Variants in NLGN4X observed in about 807,000 individuals in gnomAD.
The protein encoded by NLGN4X is neuroligin 4 X-linked.
A neutral mutation model predicts 40.3 loss-of-function variants in NLGN4X; 3 were observed. The observed-to-expected ratio is 0.07, with a 90% CI of 0.03 to 0.19. NLGN4X has a LOEUF of 0.19. NLGN4X is among the 10% of genes least tolerant of loss of function. The pLI, the probability that NLGN4X is intolerant of heterozygous loss-of-function variation, is 1.00. For missense variants in NLGN4X, 382 were observed against 708.3 expected (o/e 0.54, Z 5.23); for synonymous variants, 270 against 306.8 (o/e 0.88, Z 1.25).
chrX:5,945,502 C>T (rs1456657082), intron 3 of NLGN4X, among the ~76,000 whole-genome samples: 1 of 111,878 alleles, frequency 8.9e-6, no homozygotes, highest in Non-Finnish European at 1.9e-5. Flanking sequence ...TGGAAGCGAA[C>T]TTGGCGCAGT....
chrX:6,029,981 T>C (rs1391115144), intron 2 of NLGN4X, among the ~76,000 whole-genome samples: 1 of 109,456 alleles, frequency 9.1e-6, no homozygotes, highest in Non-Finnish European at 1.9e-5. Context: ...GAAAGCAAAA[T>C]CAACAGTTAA....
chrX:6,151,997 C>T (rs778550833), intron 1 of NLGN4X, among the ~76,000 whole-genome samples: 1 of 111,642 alleles, frequency 9.0e-6, no homozygotes, highest in East Asian at 2.8e-4. Context: ...ATTGCCCAAG[C>T]TGCAGTGCAG....
chrX:5,952,418 G>T (rs945988672), intron 3 of NLGN4X, among the ~76,000 whole-genome samples: 30 of 110,388 alleles, frequency 2.7e-4, no homozygotes, highest in African/African-American at 9.9e-4. Context: ...GAAGGATGGG[G>T]TTTCTTACGT....
chrX:6,219,005 A>T (rs200578326), intron 1 of NLGN4X, among the ~76,000 whole-genome samples: 10 of 49,117 alleles, frequency 2.0e-4, no homozygotes, highest in African/African-American at 2.6e-4. Context: ...TACTTTTTCA[A>T]GAAATAATAT....
chrX:6,145,687 C>T (rs1260403039), intron 2 of NLGN4X, among the ~76,000 whole-genome samples: 2 of 111,299 alleles, frequency 1.8e-5, no homozygotes, highest in African/African-American at 6.6e-5. Context: ...ATAAAAGAAG[C>T]GAATACATTT....
intron 2 of NLGN4X, among the ~76,000 whole-genome samples, chrX:6,035,297 A>G (rs1209904112): frequency 9.0e-6 from 1 of 111,405 alleles, no homozygotes; most frequent in African/African-American, 3.3e-5. Flanking sequence ...TTGAAGTGTA[A>G]AAGTTTTTAA....
chrX:6,043,134 T>TGC (rs1555956978), intron 2 of NLGN4X, among the ~76,000 whole-genome samples: 1 of 17,867 alleles, frequency 5.6e-5, no homozygotes, highest in Non-Finnish European at 1.3e-4. Flanking sequence ...TGCACGCGCA[T>TGC]ACACACACAC....
intron 2 of NLGN4X, among the ~76,000 whole-genome samples, chrX:6,129,212 C>T (rs1339449528): frequency 1.8e-5 from 2 of 112,587 alleles, no homozygotes; most frequent in Non-Finnish European, 3.7e-5. Context: ...CTGTGATTCA[C>T]ATACATTTGA....
chrX:6,038,706 T>C (rs764045650), intron 2 of NLGN4X, among the ~76,000 whole-genome samples: 2 of 111,986 alleles, frequency 1.8e-5, no homozygotes, highest in South Asian at 7.5e-4. Context: ...GGAGGCTTAT[T>C]TTATGGAGCC....
At chrX:6,200,863 T>C (rs1233402350) in intron 1 of NLGN4X, among the ~76,000 whole-genome samples, 1 of 108,099 alleles carries the variant, frequency 9.3e-6, no homozygotes, top group Admixed American at 1.0e-4. Flanking sequence ...ATTTTTATTA[T>C]TATTATTATT....
intron 2 of NLGN4X, among the ~76,000 whole-genome samples, chrX:6,037,292 C>A (rs2037039341): frequency 9.5e-6 from 1 of 104,751 alleles, no homozygotes; most frequent in African/African-American, 3.6e-5. Context: ...GGTGAAACAG[C>A]CAGACCTTAT....
At chrX:6,225,386 C>G (rs1034761431) in intron 1 of NLGN4X, among the ~76,000 whole-genome samples, 1 of 109,272 alleles carries the variant, frequency 9.2e-6, no homozygotes, top group African/African-American at 3.3e-5. Context: ...TCTGCCCCCA[C>G]AAAACGGCAG....
At chrX:5,930,010 T>C (rs1270336937) in intron 3 of NLGN4X, among the ~76,000 whole-genome samples, 1 of 112,372 alleles carries the variant, frequency 8.9e-6, no homozygotes, top group Non-Finnish European at 1.9e-5. Context: ...GAATGTTCTA[T>C]TCCTCTTGGT....
At chrX:6,221,391 TTA>T (rs60897428) in intron 1 of NLGN4X, among the ~76,000 whole-genome samples, 2,399 of 53,214 alleles carry the variant, frequency 0.045, 46 homozygotes, top group East Asian at 0.072. Flanking sequence ...CCTTCTTATA[TTA>T]TATATATATA....
intron 1 of NLGN4X, among the ~76,000 whole-genome samples, chrX:6,170,346 T>G: frequency 8.9e-6 from 1 of 112,140 alleles, no homozygotes; most frequent in Non-Finnish European, 1.9e-5. Flanking sequence ...TAAGGAGAAT[T>G]GAAAAATTTC....
intron 3 of NLGN4X, among the ~76,000 whole-genome samples, chrX:5,933,229 G>T (rs1284060546): frequency 9.0e-6 from 1 of 111,652 alleles, no homozygotes; most frequent in Non-Finnish European, 1.9e-5. Flanking sequence ...AACTAATTTG[G>T]TAAGAATTCT....
intron 3 of NLGN4X, among the ~76,000 whole-genome samples, chrX:5,925,879 CACATATATATATATAT>C (rs1202380696): frequency 0.029 from 1,337 of 46,754 alleles, 90 homozygotes; most frequent in South Asian, 0.061. Context: ...TATACATACA[CACATATATATATATAT>C]ATATATATAT....
chrX:5,934,271 G>A (rs761599268), intron 3 of NLGN4X, among the ~76,000 whole-genome samples: 1 of 111,611 alleles, frequency 9.0e-6, no homozygotes, highest in Non-Finnish European at 1.9e-5. Context: ...ATAGTTCATT[G>A]TGTGTGCTTA....
At chrX:6,015,190 A>AT (rs892769008) in intron 3 of NLGN4X, among the ~76,000 whole-genome samples, 2 of 110,701 alleles carry the variant, frequency 1.8e-5, no homozygotes, top group Non-Finnish European at 3.8e-5. Flanking sequence ...AGGATTGGGG[A>AT]TTTTTTCTCT....
Sources: gnomAD v4.1 joint callset for allele counts (sites outside exome capture counted in the v4.1 genomes callset) on GRCh38, gnomAD v4.1.1 for gene constraint, MANE v1.5 for transcripts, NCBI Gene and HGNC (gene_info 2026-07-23, HGNC 2026-07-21) for gene names.